ADGRA1: variants seen among roughly 807,000 people sequenced by gnomAD.
The protein encoded by ADGRA1 is G-protein coupled receptor 123.
A neutral mutation model predicts 21.3 loss-of-function variants in ADGRA1; 12 were observed. The ratio of observed to expected loss-of-function variants is 0.56; its 90% confidence interval spans 0.36 to 0.91. The LOEUF (loss-of-function observed/expected upper bound fraction) is 0.91, where lower values mean the gene tolerates loss of function less well. ADGRA1 is among the 40% of genes least tolerant of loss of function. The probability of loss-of-function intolerance (pLI) is 0.01; values close to 1 mark genes in which losing one functional copy is unlikely to be tolerated. For missense variants in ADGRA1, 790 were observed against 805.6 expected, an observed-to-expected ratio of 0.98 and a Z score of 0.23; for synonymous variants, 385 against 368.8, an observed-to-expected ratio of 1.04 and a Z score of -0.50.
chr10:133,107,290 A>G (rs1591176167), intron 5 of ADGRA1, among the ~76,000 whole-genome samples: 1 of 152,238 alleles, frequency 6.6e-6, no homozygotes, highest in East Asian at 1.9e-4. Flanking sequence ...TCTGTACATA[A>G]GGATAATTCT....
At position 133,112,308 on chromosome 10, in the gene ADGRA1, T is replaced by C. The variant is rs112291192; in HGVS notation, c.401+9466T>C. Among the ~76,000 whole-genome samples, 407 of 152,086 alleles carry C rather than the reference T, an allele frequency of 2.7e-3. 1 individual carries two copies. Among genetic ancestry groups the C allele is most frequent in the South Asian group, 0.014 (69 of 4,814 alleles). Reference sequence around the variant, plus strand: ...ACCAAGCTGTGTCAGTTATTTGGGGTCTGCGGGCCGCATCGGTTATCTGGG... The same window carrying C: ...ACCAAGCTGTGTCAGTTATTTGGGGCCTGCGGGCCGCATCGGTTATCTGGG... On this transcript the variant is annotated intron_variant, in intron 5 of 6. Coordinates refer to ENST00000392607, the MANE Select transcript of ADGRA1 (RefSeq NM_001083909.3).
At position 133,088,838 on chromosome 10, in the gene ADGRA1, G is replaced by A; in HGVS notation, c.-72G>A. On this transcript the variant is annotated 5_prime_UTR_variant, in exon 2 of 7. Coordinates refer to ENST00000392607, the MANE Select transcript of ADGRA1 (RefSeq NM_001083909.3). ...GGCCATGGAGGCTGGCGGGGAGCAGGGCGCCACCTGATCGCCTCCCCCTGG... is the reference window on the plus strand; with the variant it reads ...GGCCATGGAGGCTGGCGGGGAGCAGAGCGCCACCTGATCGCCTCCCCCTGG... The A allele has an allele frequency of 1.6e-6, 2 of 1,236,086 alleles. No individual in the cohort carries two copies. The highest frequency in any genetic ancestry group is 8.2e-5 in the South Asian group (2 of 24,398). 76.6% of individuals were successfully genotyped at this position (1,236,086 alleles called of 1,614,324 possible). A position where few individuals can be genotyped will look rare whatever the true frequency, so the allele number is the denominator to read the frequency against.
At position 133,129,525 on chromosome 10, in the gene ADGRA1, A is replaced by G. The variant is rs926631372; in HGVS notation, c.*14A>G. 1 of 1,567,850 alleles carries G rather than the reference A, an allele frequency of 6.4e-7. No individual in the cohort carries two copies. Among genetic ancestry groups the G allele is most frequent in the Non-Finnish European group, 8.6e-7 (1 of 1,161,918 alleles). ...ACTACTGTGTAGATGGGGGCAGAGG[A>G]CACGGTGTTCCTGGAGGAGCTTCAG... On this transcript the variant is annotated 3_prime_UTR_variant, in exon 7 of 7. Transcript: ENST00000392607.
intron 5 of ADGRA1, among the ~76,000 whole-genome samples, chr10:133,118,821 G>A (rs1212034465): frequency 6.6e-6 from 1 of 152,136 alleles, no homozygotes; most frequent in African/African-American, 2.4e-5. Context: ...TATTGCAGTG[G>A]TCTGGAACTG....
chr10:133,114,592 G>A (rs191435220), intron 5 of ADGRA1, among the ~76,000 whole-genome samples: 101 of 152,280 alleles, frequency 6.6e-4, no homozygotes, highest in African/African-American at 2.4e-3. Context: ...ATCGAATGCC[G>A]AGGAGCCCAG....
chr10:133,096,596 A>G (rs897529221), intron 2 of ADGRA1, among the ~76,000 whole-genome samples: 1 of 152,202 alleles, frequency 6.6e-6, no homozygotes, highest in African/African-American at 2.4e-5. Context: ...CCTCTCTGTA[A>G]GGCCCATCCA....
At chr10:133,109,546 G>A (rs1591177462) in intron 5 of ADGRA1, among the ~76,000 whole-genome samples, 2 of 152,230 alleles carry the variant, frequency 1.3e-5, no homozygotes. Flanking sequence ...CCAGTGGGAT[G>A]GTTACCTCCC....
At chr10:133,088,934 G>A in intron 2 of ADGRA1, 22 bp downstream of exon 2, 1 of 1,241,574 alleles carries the variant, frequency 8.1e-7, no homozygotes, top group Non-Finnish European at 1.0e-6. Flanking sequence ...GGTCCCGGGG[G>A]TCCTGCAGCT....
chr10:133,123,722 C>A (rs373641231), intron 5 of ADGRA1, among the ~76,000 whole-genome samples: 16 of 152,144 alleles, frequency 1.1e-4, no homozygotes, highest in South Asian at 4.2e-4. Flanking sequence ...CCTCCCCCCC[C>A]CCGGCACCTT....
chr10:133,098,143 CATG>C (rs1373655198), intron 3 of ADGRA1, among the ~76,000 whole-genome samples: 2 of 152,196 alleles, frequency 1.3e-5, no homozygotes, highest in South Asian at 4.1e-4. Context: ...GGGCCCCAGA[CATG>C]GTGGTGGTCA....
chr10:133,110,437 G>A (rs973948037), intron 5 of ADGRA1, among the ~76,000 whole-genome samples: 1 of 151,308 alleles, frequency 6.6e-6, no homozygotes, highest in African/African-American at 2.4e-5. Flanking sequence ...TGCACACAGA[G>A]CAGCCTTATC....
At chr10:133,093,689 C>T (rs1244857369) in intron 2 of ADGRA1, among the ~76,000 whole-genome samples, 2 of 152,200 alleles carry the variant, frequency 1.3e-5, no homozygotes, top group African/African-American at 2.4e-5. Context: ...CTTGGGTCCT[C>T]GGAACCGTGT....
At position 133,129,201 on chromosome 10, in the gene ADGRA1, G is replaced by A. The variant is rs1383739500; in HGVS notation, c.1373G>A (p.Ser458Asn). 1 of 1,550,320 alleles carries A rather than the reference G, an allele frequency of 6.5e-7. No individual in the cohort carries two copies. Among genetic ancestry groups the A allele is most frequent in the Non-Finnish European group, 8.7e-7 (1 of 1,147,004 alleles). The change falls in exon 7 of 7, where the codon AGC becomes AAC. Residue 458 changes from serine (S) to asparagine (N), a missense_variant. Ser to Asn is a conservative substitution (Grantham distance 46). Coordinates refer to ENST00000392607, the MANE Select transcript of ADGRA1 (RefSeq NM_001083909.3). ...PRSSRTDSPPSSLDGPAGTHT... is the reference protein window; with the variant it reads ...PRSSRTDSPPNSLDGPAGTHT... ...AGCTCGCGCACAGACAGCCCCCCCAGCTCTCTGGATGGCCCGGCGGGGACA... is the reference window on the plus strand; with the variant it reads ...AGCTCGCGCACAGACAGCCCCCCCAACTCTCTGGATGGCCCGGCGGGGACA...
chr10:133,091,889 C>T (rs1449980650), intron 2 of ADGRA1, among the ~76,000 whole-genome samples: 2 of 152,178 alleles, frequency 1.3e-5, no homozygotes, highest in Non-Finnish European at 2.9e-5. Flanking sequence ...CAAGGCCAGC[C>T]TCCTGGCGGT....
At chr10:133,101,209 C>T (rs573070319) in intron 4 of ADGRA1, among the ~76,000 whole-genome samples, 2 of 152,292 alleles carry the variant, frequency 1.3e-5, no homozygotes, top group East Asian at 3.9e-4. Context: ...TCCCGCCTGC[C>T]CCGCCCTTGT....
At chr10:133,112,404 C>T (rs145972079) in intron 5 of ADGRA1, among the ~76,000 whole-genome samples, 1 of 79,966 alleles carries the variant, frequency 1.3e-5, no homozygotes, top group Non-Finnish European at 2.5e-5. Context: ...GGGCCGCGTC[C>T]GTTATTTGGG....
Position 133,087,971 on chromosome 10 carries a change from G to C in ADGRA1, c.-370G>C. On this transcript the variant is annotated 5_prime_UTR_variant, in exon 1 of 7. Coordinates refer to ENST00000392607, the MANE Select transcript of ADGRA1 (RefSeq NM_001083909.3). ...CCGGGCTGGGCCGCTCGTGCGCGGG[G>C]CTGTGACTCACCGGCCGGCGCCGCA... The C allele has an allele frequency of 1.0e-6, 1 of 985,014 alleles. No individual in the cohort carries two copies. The highest frequency in any genetic ancestry group is 5.2e-4 in the Middle Eastern group (1 of 1,912). The allele number at this position is 985,014 out of a possible 1,614,324, so 61.0% of individuals were successfully genotyped here.
chr10:133,100,773 C>T (rs942261226), intron 4 of ADGRA1, among the ~76,000 whole-genome samples: 4 of 152,246 alleles, frequency 2.6e-5, no homozygotes, highest in African/African-American at 9.6e-5. Flanking sequence ...AGGGCACTGC[C>T]AGAGACAAAC....
intron 5 of ADGRA1, among the ~76,000 whole-genome samples, chr10:133,121,594 G>C (rs1193751897): frequency 2.0e-5 from 3 of 146,914 alleles, no homozygotes; most frequent in African/African-American, 5.1e-5. Flanking sequence ...GTGTGTGCCT[G>C]TGCGTTTGTG....
Sources: gnomAD v4.1 joint callset for allele counts (sites outside exome capture counted in the v4.1 genomes callset) on GRCh38, gnomAD v4.1.1 for gene constraint, MANE v1.5 for transcripts, NCBI Gene and HGNC (gene_info 2026-07-23, HGNC 2026-07-21) for gene names.